The following CREB5 variants were observed in gnomAD, a reference collection of about 807,000 sequenced individuals.
CREB5 encodes the protein cyclic AMP-responsive element-binding protein 5.
CREB5 carries 19 observed loss-of-function variants against 57.1 expected under a neutral mutation model. The ratio of observed to expected loss-of-function variants is 0.33; its 90% CI spans 0.23 to 0.49. The LOEUF (loss-of-function observed/expected upper bound fraction) is 0.49. Ranked by LOEUF, CREB5 falls within the 20% of genes least tolerant of loss-of-function variation. The pLI is 0.99. For synonymous variants in CREB5, 238 were observed against 238.3 expected (o/e 1.00, Z 0.01); for missense variants, 579 against 671.6 (o/e 0.86, Z 1.52).
chr7:28,713,085 C>T (rs1042730598), intron 5 of CREB5, among the ~76,000 whole-genome samples: 1 of 152,100 alleles, frequency 6.6e-6, no homozygotes, highest in African/African-American at 2.4e-5. Context: ...TAAAGTCTCG[C>T]TCTGTTGCCC....
chr7:28,333,263 T>A (rs936390807), intron 1 of CREB5, among the ~76,000 whole-genome samples: 1 of 152,208 alleles, frequency 6.6e-6, no homozygotes, highest in Non-Finnish European at 1.5e-5. Flanking sequence ...CTTTTTAATT[T>A]TTGTGGTTAC....
At chr7:28,370,698 C>T (rs1786690369) in intron 1 of CREB5, among the ~76,000 whole-genome samples, 3 of 152,190 alleles carry the variant, frequency 2.0e-5, no homozygotes, top group Admixed American at 1.3e-4. Context: ...AACACATACG[C>T]ACTGTAGCTC....
At chr7:28,631,053 G>C (rs1798182770) in intron 5 of CREB5, among the ~76,000 whole-genome samples, 2 of 152,222 alleles carry the variant, frequency 1.3e-5, no homozygotes, top group South Asian at 4.1e-4. Flanking sequence ...AGAGCACATG[G>C]CTCAACCACT....
At chr7:28,587,218 A>G (rs1364145724) in intron 5 of CREB5, among the ~76,000 whole-genome samples, 3 of 152,234 alleles carry the variant, frequency 2.0e-5, no homozygotes, top group African/African-American at 7.2e-5. Context: ...GAAGAAAGGA[A>G]AGTAGTATTA....
intron 4 of CREB5, among the ~76,000 whole-genome samples, chr7:28,547,716 G>A (rs564083813): frequency 2.6e-4 from 40 of 152,246 alleles, no homozygotes; most frequent in African/African-American, 9.6e-4. Context: ...ACTCTTCCCT[G>A]AACCACTTAT....
At chr7:28,326,092 T>A (rs1386342262) in intron 1 of CREB5, among the ~76,000 whole-genome samples, 1 of 152,218 alleles carries the variant, frequency 6.6e-6, no homozygotes, top group Middle Eastern at 3.2e-3. Flanking sequence ...ATGTACTCAT[T>A]GTTACTGTGA....
At chr7:28,640,017 T>C (rs1418247388) in intron 5 of CREB5, among the ~76,000 whole-genome samples, 1 of 152,228 alleles carries the variant, frequency 6.6e-6, no homozygotes, top group African/African-American at 2.4e-5. Context: ...GCCTCTTCAC[T>C]CTGGCCTCAC....
chr7:28,364,413 A>T (rs756781272), intron 1 of CREB5, among the ~76,000 whole-genome samples: 1 of 152,236 alleles, frequency 6.6e-6, no homozygotes, highest in East Asian at 1.9e-4. Flanking sequence ...TTTTTCTATC[A>T]GTGTAAAACA....
intron 4 of CREB5, among the ~76,000 whole-genome samples, chr7:28,527,334 C>T (rs1487243390): frequency 6.6e-6 from 1 of 152,184 alleles, no homozygotes; most frequent in Admixed American, 6.5e-5. Context: ...TTACCAAATG[C>T]CTTCTTTGGA....
upstream of CREB5, among the ~76,000 whole-genome samples, chr7:28,412,130 G>A (rs1005053603): frequency 3.3e-5 from 5 of 152,140 alleles, no homozygotes; most frequent in Admixed American, 6.5e-5. Flanking sequence ...AAAGATAATA[G>A]GCATGCACCC....
At chr7:28,556,386 C>G (rs1046220839) in intron 4 of CREB5, among the ~76,000 whole-genome samples, 3 of 152,064 alleles carry the variant, frequency 2.0e-5, no homozygotes, top group African/African-American at 7.2e-5. Context: ...TGCCCGAGCT[C>G]ATCTTTGTGG....
chr7:28,354,865 G>A (rs1786308725), intron 1 of CREB5, among the ~76,000 whole-genome samples: 1 of 152,172 alleles, frequency 6.6e-6, no homozygotes, highest in African/African-American at 2.4e-5. Context: ...GCTGACATCT[G>A]GACCCATCTT....
chr7:28,686,044 A>G, intron 5 of CREB5: 2 of 1,321,192 alleles, frequency 1.5e-6, no homozygotes, highest in Non-Finnish European at 2.1e-6. Flanking sequence ...AAGAAGGGCC[A>G]GCACATTACA....
intron 5 of CREB5, among the ~76,000 whole-genome samples, chr7:28,717,380 T>A (rs933548904): frequency 6.6e-6 from 1 of 152,218 alleles, no homozygotes; most frequent in African/African-American, 2.4e-5. Context: ...TGTGTGACTC[T>A]GGTGGTTAGC....
chr7:28,667,635 C>T (rs1799878281), intron 5 of CREB5, among the ~76,000 whole-genome samples: 1 of 151,828 alleles, frequency 6.6e-6, no homozygotes, highest in African/African-American at 2.4e-5. Context: ...AAAAAGAAAA[C>T]TTCTTGGTGT....
At chr7:28,428,124 G>C (rs1788578998) in intron 1 of CREB5, among the ~76,000 whole-genome samples, 1 of 152,200 alleles carries the variant, frequency 6.6e-6, no homozygotes, top group African/African-American at 2.4e-5. Context: ...CTATGGAGAT[G>C]TGGAGAAGGA....
intron 4 of CREB5, among the ~76,000 whole-genome samples, chr7:28,515,337 C>T (rs1562768337): frequency 2.0e-5 from 3 of 152,316 alleles, no homozygotes; most frequent in East Asian, 1.9e-4. Context: ...TTGGATGTAT[C>T]CACTCTTAGG....
At chr7:28,331,796 G>A (rs970440783) in intron 1 of CREB5, among the ~76,000 whole-genome samples, 1 of 150,206 alleles carries the variant, frequency 6.7e-6, no homozygotes, top group East Asian at 1.9e-4. Context: ...TTGCAGTCAG[G>A]CGAGATTGTG....
intron 1 of CREB5, among the ~76,000 whole-genome samples, chr7:28,361,229 C>T (rs752871204): frequency 1.3e-5 from 2 of 152,156 alleles, no homozygotes; most frequent in Non-Finnish European, 2.9e-5. Context: ...GCATATGTTG[C>T]GTTCATAGCC....
Sources: allele counts gnomAD v4.1 joint callset (sites outside exome capture counted in the v4.1 genomes callset), GRCh38; gene constraint gnomAD v4.1.1; transcripts MANE v1.5; gene names NCBI Gene and HGNC (gene_info 2026-07-23, HGNC 2026-07-21).